The following ERICH1 variants were observed in gnomAD, a reference collection of about 807,000 sequenced individuals.
ERICH1 encodes glutamate rich 1, also known as glutamate-rich protein 1.
ERICH1 carries 56 observed loss-of-function variants against 39.6 expected under a neutral mutation model. That is an observed-to-expected ratio of 1.41 (90% CI 1.14 to 1.77). The LOEUF is 1.77. Ranked by LOEUF, ERICH1 falls within the 40% of genes most tolerant of loss-of-function variation. The probability of loss-of-function intolerance (pLI) is 0.00; values close to 1 mark genes in which losing one functional copy is unlikely to be tolerated. For missense variants in ERICH1, 826 were observed against 575.4 expected (o/e 1.44, Z -4.45); for synonymous variants, 313 against 223.6 (o/e 1.40, Z -3.57).
At chr8:704,247 A>G (rs1812770498) in intron 2 of ERICH1, among the ~76,000 whole-genome samples, 1 of 152,214 alleles carries the variant, frequency 6.6e-6, no homozygotes, top group African/African-American at 2.4e-5. Flanking sequence ...AAATGGAAGC[A>G]AACCCAAGAA....
intron 3 of ERICH1, among the ~76,000 whole-genome samples, chr8:685,450 A>C (rs62487404): frequency 1.3e-5 from 2 of 152,176 alleles, no homozygotes; most frequent in African/African-American, 2.4e-5. Flanking sequence ...GTCCTGAGGC[A>C]ACATACATTC....
chr8:707,609 T>C (rs546240547), intron 2 of ERICH1, among the ~76,000 whole-genome samples: 64 of 152,108 alleles, frequency 4.2e-4, no homozygotes, highest in Non-Finnish European at 8.2e-4. Flanking sequence ...AGGAATGAAG[T>C]TGGAACTCTA....
At chr8:615,154 C>A in exon 4 of ERICH1, 1 of 625,026 alleles carries the variant, frequency 1.6e-6, no homozygotes, top group East Asian at 2.7e-5. Flanking sequence ...TAAAAAGTTA[C>A]TATCACACAA....
At chr8:728,661 C>G (rs1819345230) in intron 1 of ERICH1, among the ~76,000 whole-genome samples, 1 of 152,186 alleles carries the variant, frequency 6.6e-6, no homozygotes. Context: ...TTCCTGGGAC[C>G]CTCTTCAATT....
At chr8:713,526 T>C (rs1391496079) in intron 2 of ERICH1, among the ~76,000 whole-genome samples, 1 of 152,058 alleles carries the variant, frequency 6.6e-6, no homozygotes, top group Non-Finnish European at 1.5e-5. Context: ...GAAGGGAACT[T>C]TTTCCTTCTC....
chr8:636,363 C>A (rs1359121128), intron 3 of ERICH1, among the ~76,000 whole-genome samples: 1 of 152,238 alleles, frequency 6.6e-6, no homozygotes, highest in Non-Finnish European at 1.5e-5. Context: ...TTGATGGTTT[C>A]TGCTAGAGAC....
At chr8:731,014 G>A in intron 1 of ERICH1, 126 bp downstream of exon 1, 1 of 1,138,942 alleles carries the variant, frequency 8.8e-7, no homozygotes, top group Non-Finnish European at 1.1e-6. Flanking sequence ...GTGGAGGTGG[G>A]GAGTCGGTCT....
chr8:713,244 G>C (rs1185824955), intron 2 of ERICH1, among the ~76,000 whole-genome samples: 1 of 152,248 alleles, frequency 6.6e-6, no homozygotes, highest in East Asian at 1.9e-4. Context: ...TCTGAAGTAT[G>C]GGGGGTTAGG....
rs752992002 is a variant in ERICH1, at chr8:673,351, T to C, written c.1001A>G (p.Asn334Ser). The change falls in exon 4 of 6, where the codon AAT (asparagine) becomes AGT (serine). Residue 334 changes from asparagine (N) to serine (S), a missense_variant. Physicochemically the swap from Asn to Ser is conservative, Grantham distance 46. Coordinates refer to ENST00000262109, the MANE Select transcript of ERICH1 (RefSeq NM_207332.3). ...DASEEDDTIT[N>S]EKAHSILNFL... The stretch of plus-strand genomic sequence containing the variant: ...ATTTAGAATACTGTGTGCCTTTTCA[T>C]TGGTAATTGTATCATCTTCCTCGCT... The C allele has an allele frequency of 5.0e-6, 8 of 1,613,622 alleles. No homozygotes were observed. The highest frequency in any genetic ancestry group is 2.2e-5 in the South Asian group (2 of 90,742).
chr8:685,933 C>G (rs1218548001), intron 3 of ERICH1, among the ~76,000 whole-genome samples: 1 of 150,732 alleles, frequency 6.6e-6, no homozygotes, highest in Non-Finnish European at 1.5e-5. Context: ...TCACTTGACC[C>G]CAGCGGTTCG....
downstream of ERICH1, among the ~76,000 whole-genome samples, chr8:661,077 A>G (rs539581543): frequency 3.3e-5 from 5 of 152,254 alleles, no homozygotes; most frequent in South Asian, 4.1e-4. Context: ...ATCCTGTTGA[A>G]TAAGTTTTGA....
chr8:707,870 G>A (rs561761763), intron 2 of ERICH1, among the ~76,000 whole-genome samples: 1 of 152,176 alleles, frequency 6.6e-6, no homozygotes, highest in Non-Finnish European at 1.5e-5. Context: ...CTCATGGTAT[G>A]GAAGAAAATA....
intron 2 of ERICH1, among the ~76,000 whole-genome samples, chr8:705,426 T>A (rs1477574504): frequency 6.6e-6 from 1 of 152,212 alleles, no homozygotes; most frequent in African/African-American, 2.4e-5. Context: ...GCAAGTAAAT[T>A]ATAACATTTT....
chr8:688,235 G>T (rs899801563), intron 3 of ERICH1, among the ~76,000 whole-genome samples: 1 of 82,194 alleles, frequency 1.2e-5, no homozygotes, highest in Middle Eastern at 7.0e-3. Context: ...CGACGTTCTC[G>T]CAGAAAAGGT....
intron 2 of ERICH1, among the ~76,000 whole-genome samples, chr8:711,240 T>C (rs1487390527): frequency 6.6e-6 from 1 of 152,208 alleles, no homozygotes; most frequent in Non-Finnish European, 1.5e-5. Context: ...CTTTGTCAGG[T>C]ATGTCTTTTG....
At chr8:691,274 G>A (rs1808838102) in intron 3 of ERICH1, among the ~76,000 whole-genome samples, 1 of 152,252 alleles carries the variant, frequency 6.6e-6, no homozygotes, top group South Asian at 2.1e-4. Flanking sequence ...GAAGCAGCTT[G>A]TGAAGAGAAA....
At chr8:651,011 C>G (rs574718220) in intron 3 of ERICH1, among the ~76,000 whole-genome samples, 76 of 152,348 alleles carry the variant, frequency 5.0e-4, no homozygotes, top group Admixed American at 1.8e-3. Context: ...CCTCGTTCGT[C>G]CACGATAGAG....
At position 664,462 on chromosome 8, in the gene ERICH1, C is replaced by A; in HGVS notation, c.*141G>T. 1 of 1,275,170 alleles carries A rather than the reference C, an allele frequency of 7.8e-7. No individual in the cohort carries two copies. Among genetic ancestry groups the A allele is most frequent in the Non-Finnish European group, 9.9e-7 (1 of 1,008,300 alleles). 79.0% of individuals were successfully genotyped at this position (1,275,170 alleles called of 1,614,324 possible). A position where few individuals can be genotyped will look rare whatever the true frequency, so the allele number is the denominator to read the frequency against. On this transcript the variant is annotated 3_prime_UTR_variant, in exon 6 of 6. Transcript: ENST00000262109. ...ATCTGAAGCCTCAGATGGCATCTTGCCCACCAGGAACAAACACGTGAATAA... is the reference window on the plus strand; with the variant it reads ...ATCTGAAGCCTCAGATGGCATCTTGACCACCAGGAACAAACACGTGAATAA...
At chr8:696,641 ACTCCT>A (rs1563286587) in intron 2 of ERICH1, among the ~76,000 whole-genome samples, 2 of 5,846 alleles carry the variant, frequency 3.4e-4, no homozygotes, top group African/African-American at 1.5e-3. Context: ...CTCACCCTCC[ACTCCT>A]CTCCTTCCTC....
Sources: allele counts gnomAD v4.1 joint callset (sites outside exome capture counted in the v4.1 genomes callset), GRCh38; gene constraint gnomAD v4.1.1; transcripts MANE v1.5; gene names NCBI Gene and HGNC (gene_info 2026-07-23, HGNC 2026-07-21).